The following ITGA10 variants were observed in gnomAD, a reference collection of about 807,000 sequenced individuals.
The protein encoded by ITGA10 is integrin alpha-10.
Under a neutral mutation model 145.2 loss-of-function variants are expected in ITGA10, and 105 were observed. That is an observed-to-expected ratio of 0.72 (90% confidence interval 0.62 to 0.85). ITGA10 has a LOEUF of 0.85. Ranked by LOEUF, ITGA10 falls within the 40% of genes least tolerant of loss-of-function variation. The pLI is 0.00. For missense variants in ITGA10, 1,317 were observed against 1,444.5 expected (o/e 0.91, Z 1.43); for synonymous variants, 506 against 557.8 (o/e 0.91, Z 1.31).
At chr1:145,906,980 T>C (rs1310527762) in intron 3 of ITGA10, 61 bp downstream of exon 3, 15 of 1,298,116 alleles carry the variant, frequency 1.2e-5, no homozygotes, top group Middle Eastern at 1.9e-4. Flanking sequence ...GTATAGGGAG[T>C]TGAAGCTTCT....
chr1:145,899,467 C>T (rs2101783886), intron 15 of ITGA10, 126 bp from the exon 16 acceptor site: 1 of 990,308 alleles, frequency 1.0e-6, no homozygotes, highest in Non-Finnish European at 1.5e-6. Flanking sequence ...GTCACCCTCC[C>T]CCGAACCCTC....
In ITGA10 at chr1:145,891,733, A is replaced by C. The variant is rs954306339; in HGVS notation, c.*1065T>G. ...TTTTCCTAGGAGCTATTTGTGCTAC[A>C]TAACCAGTGCTGAGCAAGTAAGGGC... On this transcript the variant is annotated 3_prime_UTR_variant, in exon 30 of 30. Coordinates refer to ENST00000369304, the MANE Select transcript of ITGA10 (RefSeq NM_003637.5). The C allele has an allele frequency of 6.6e-5, 10 of 152,220 alleles. No individual in the cohort carries two copies. Among genetic ancestry groups the C allele is most frequent in the African/African-American group, 2.4e-4 (10 of 41,452 alleles). The allele number at this position is 152,220 out of a possible 1,614,324, so 9.4% of individuals were successfully genotyped here. A position where few individuals can be genotyped will look rare whatever the true frequency, so the allele number is the denominator to read the frequency against.
chr1:145,895,419 G>T (rs782091399), intron 26 of ITGA10, 26 bp from the exon 27 acceptor site: 2 of 1,568,190 alleles, frequency 1.3e-6, no homozygotes, highest in Non-Finnish European at 1.8e-6. Flanking sequence ...GAGAGAGACA[G>T]ATCAGGACTC....
In ITGA10 at chr1:145,892,258, T is replaced by C. The variant is rs1654830688; in HGVS notation, c.*540A>G. ...TTGTGGCTTTTCCTCCTCCCTCCTTTTTTCCTGTTGACTCTCCCCATCCGG... is the reference window on the plus strand; with the variant it reads ...TTGTGGCTTTTCCTCCTCCCTCCTTCTTTCCTGTTGACTCTCCCCATCCGG... On this transcript the variant is annotated 3_prime_UTR_variant, in exon 30 of 30. Transcript: ENST00000369304. 1 of 153,466 alleles carries C rather than the reference T, an allele frequency of 6.5e-6. No homozygotes were observed. Among genetic ancestry groups the C allele is most frequent in the African/African-American group, 2.4e-5 (1 of 41,574 alleles). The allele number at this position is 153,466 out of a possible 1,614,324, so 9.5% of individuals were successfully genotyped here. A position where few individuals can be genotyped will look rare whatever the true frequency, so the allele number is the denominator to read the frequency against.
At chr1:145,898,818 A>T in intron 17 of ITGA10, 118 bp downstream of exon 17, 22 of 1,188,756 alleles carry the variant, frequency 1.9e-5, no homozygotes, top group Non-Finnish European at 2.6e-5. Flanking sequence ...CCAAAGTCTG[A>T]ATCATCTCAT....
chr1:145,895,541 C>T (rs1655264242), intron 26 of ITGA10, 90 bp downstream of exon 26: 2 of 1,423,706 alleles, frequency 1.4e-6, no homozygotes, highest in South Asian at 2.4e-5. Flanking sequence ...GGAAAGATCC[C>T]TTCTTCCCCA....
rs1024817521 is a variant in ITGA10 at position 145,896,184 on chromosome 1, C to A, written c.2919+84G>T. On this transcript the variant is annotated intron_variant, in intron 24 of 29. Transcript: ENST00000369304. ...CTTCACCCTAGATACCATTAAAATCCAAGAGAGACCCTTCCCATCCTTTTC... is the reference window on the plus strand; with the variant it reads ...CTTCACCCTAGATACCATTAAAATCAAAGAGAGACCCTTCCCATCCTTTTC... 6.1e-6 allele frequency: 9 copies of A among 1,480,954 alleles called. No homozygotes were observed. In the African/African-American group the frequency reaches 1.2e-4, roughly 20 times the overall value. The allele number at this position is 1,480,954 out of a possible 1,614,324, so 91.7% of individuals were successfully genotyped here. A position where few individuals can be genotyped will look rare whatever the true frequency, so the allele number is the denominator to read the frequency against.
At position 145,902,763 on chromosome 1, in the gene ITGA10, GC is replaced by G. The variant is rs781885785; in HGVS notation, c.909+47del. The G allele has an allele frequency of 1.0e-5, 16 of 1,574,180 alleles. No homozygotes were observed. In the East Asian group the frequency reaches 3.1e-4, roughly 31 times the overall value. ...GTCCTTGGACAGTTCACAAGACACT[GC>G]CCCCCTGCCACTCCCCAACTCTTCC... On this transcript the variant is annotated intron_variant, in intron 8 of 29. Coordinates refer to ENST00000369304, the MANE Select transcript of ITGA10 (RefSeq NM_003637.5).
At chr1:145,893,409 TGGCG>T in intron 28 of ITGA10, 127 bp downstream of exon 28, 1 of 923,290 alleles carries the variant, frequency 1.1e-6, no homozygotes, top group East Asian at 2.6e-5. Context: ...GAGGCAGGAA[TGGCG>T]GCAGTGGAAC....
At chr1:145,892,894 A>G in intron 29 of ITGA10, 31 bp from the exon 30 acceptor site, 1 of 1,580,552 alleles carries the variant, frequency 6.3e-7, no homozygotes, top group Non-Finnish European at 8.7e-7. Flanking sequence ...GTCACTGCCA[A>G]ATGCCTAGAC....
At chr1:145,897,989 A>G in intron 18 of ITGA10, 89 bp from the exon 19 acceptor site, 2 of 1,320,688 alleles carry the variant, frequency 1.5e-6, no homozygotes, top group South Asian at 2.4e-5. Flanking sequence ...AAAAGTGGGT[A>G]TATTTTGATT....
In ITGA10 at chr1:145,907,074, C is replaced by T. The variant is rs782165178; in HGVS notation, c.241G>A (p.Ala81Thr). 2.1e-5 allele frequency: 32 copies of T among 1,559,108 alleles called. No individual in the cohort carries two copies. Among genetic ancestry groups the T allele is most frequent in the Middle Eastern group, 1.7e-4 (1 of 6,000 alleles). Reference sequence around the variant, plus strand: ...CCCTTGGCACATGGGGCATTGTGGGCCCCCCCTACAGGGCAGCGATAAACG... The same window carrying T: ...CCCTTGGCACATGGGGCATTGTGGGTCCCCCCTACAGGGCAGCGATAAACG... ...GDVYRCPVGG[A>T]HNAPCAKGHL... Residue 81 changes from alanine (A) to threonine (T), a missense_variant, in exon 3 of 30, where the codon GCC (alanine) becomes ACC (threonine). Ala to Thr is a moderately conservative substitution (Grantham distance 58). Transcript: ENST00000369304.
chr1:145,895,896 C>T (rs1281092686), intron 25 of ITGA10, 87 bp downstream of exon 25: 2 of 1,137,120 alleles, frequency 1.8e-6, no homozygotes, highest in African/African-American at 3.1e-5. Context: ...AGAGGCCCAA[C>T]AGATAGGGAG....
At chr1:145,903,050 C>CACAT in intron 7 of ITGA10, 89 bp from the exon 8 acceptor site, 1 of 901,932 alleles carries the variant, frequency 1.1e-6, no homozygotes, top group Non-Finnish European at 1.6e-6. Flanking sequence ...CACACACACA[C>CACAT]ACACACACAC....
chr1:145,896,125 G>A (rs782148545), intron 24 of ITGA10, 29 bp from the exon 25 acceptor site: 2 of 1,581,894 alleles, frequency 1.3e-6, no homozygotes, highest in African/African-American at 2.7e-5. Flanking sequence ...ATAGGAAGAA[G>A]TGGGAGACAG....
intron 6 of ITGA10, among the ~76,000 whole-genome samples, 182 bp downstream of exon 6, chr1:145,904,502 G>A (rs1388226923): frequency 6.6e-6 from 1 of 151,920 alleles, no homozygotes; most frequent in African/African-American, 2.4e-5. Flanking sequence ...CTGAGTAGCT[G>A]GGACTGTAGG....
At position 145,901,651 on chromosome 1, in the gene ITGA10, A is replaced by G; in HGVS notation, c.1308T>C (p.Ser436=). The G allele has an allele frequency of 6.3e-7, 1 of 1,575,408 alleles. No homozygotes were observed. The highest frequency in any genetic ancestry group is 8.6e-7 in the Non-Finnish European group (1 of 1,163,262). The part of the protein sequence containing the change: ...NHAAYLGYSV[S]SMLLRGGRRL... The stretch of plus-strand genomic sequence containing the variant: ...GGCGTCCACCCCGCAAAAGCATGGA[A>G]GAAACAGAGTAACCTAGAAGTGGGC... The change falls in exon 12 of 30, where the codon TCT becomes TCC. Residue 436 remains serine (S), a synonymous_variant. Transcript: ENST00000369304. This position sits in a 1 kb window ranked among gnomAD's most constrained non-coding sequence, Gnocchi z 4.3.
chr1:145,892,094 T>C lies in ITGA10; in HGVS notation c.*704A>G, dbSNP rs782441464. ...AAAAGGCTTGGAATCAGGAAGCCTA[T>C]GCCCAGCGAGCCTGGGGGCAGCTCT... On this transcript the variant is annotated 3_prime_UTR_variant, in exon 30 of 30. Transcript: ENST00000369304. 1.3e-5 allele frequency: 2 copies of C among 152,680 alleles called. No homozygotes were observed. Among genetic ancestry groups the C allele is most frequent in the Non-Finnish European group, 2.9e-5 (2 of 68,068 alleles). 9.5% of individuals were successfully genotyped at this position (152,680 alleles called of 1,614,324 possible). A position where few individuals can be genotyped will look rare whatever the true frequency, so the allele number is the denominator to read the frequency against.
At position 145,900,113 on chromosome 1, in the gene ITGA10, A is replaced by C. The variant is rs1656042234; in HGVS notation, c.1866T>G (p.Asp622Glu). 1 of 1,613,758 alleles carries C rather than the reference A, an allele frequency of 6.2e-7. No homozygotes were observed. Among genetic ancestry groups the C allele is most frequent in the Non-Finnish European group, 8.5e-7 (1 of 1,179,816 alleles). The change falls in exon 15 of 30, where the codon GAT (aspartate) becomes GAG (glutamate). Residue 622 changes from aspartate to glutamate, a missense_variant. Asp to Glu is a conservative substitution (Grantham distance 45, BLOSUM62 2). Transcript: ENST00000369304. ...GRSVDGRLDL[D>E]GDDLVDVAVG... ...CAGCCACATCGACCAGATCATCTCCATCCAGATCTAGCCGACCATCCACAC... is the reference window on the plus strand; with the variant it reads ...CAGCCACATCGACCAGATCATCTCCCTCCAGATCTAGCCGACCATCCACAC...
Sources: allele counts gnomAD v4.1 joint callset (sites outside exome capture counted in the v4.1 genomes callset), GRCh38; gene constraint gnomAD v4.1.1; non-coding constraint Gnocchi (gnomAD v3.1); transcripts MANE v1.5; gene names NCBI Gene and HGNC (gene_info 2026-07-23, HGNC 2026-07-21).